Variants in EML4 observed in about 807,000 individuals in gnomAD.
The protein encoded by EML4 is echinoderm microtubule-associated protein-like 4.
Under a neutral mutation model 129.0 loss-of-function variants are expected in EML4, and 72 were observed. That is an observed-to-expected ratio of 0.56 (90% CI 0.46 to 0.68). The LOEUF (loss-of-function observed/expected upper bound fraction) is 0.68. Among genes scored for constraint, EML4 ranks in the 30% least tolerant of loss-of-function variants. The pLI, the probability that EML4 is intolerant of heterozygous loss-of-function variation, is 0.00. For missense variants in EML4, 1,363 were observed against 1,190.6 expected (o/e 1.14, Z -2.13); for synonymous variants, 532 against 405.0 (o/e 1.31, Z -3.77).
chr2:42,331,704 A>T lies in EML4; in HGVS notation c.*1497A>T, dbSNP rs1007058641. The T allele has an allele frequency of 9.1e-6, 2 of 220,392 alleles. No homozygotes were observed. The highest frequency in any genetic ancestry group is 9.1e-6 in the Non-Finnish European group (1 of 109,804). The allele number at this position is 220,392 out of a possible 1,614,324, so 13.7% of individuals were successfully genotyped here. A position where few individuals can be genotyped will look rare whatever the true frequency, so the allele number is the denominator to read the frequency against. On this transcript the variant is annotated 3_prime_UTR_variant, in exon 23 of 23. Transcript: ENST00000318522. Reference sequence around the variant, plus strand: ...CTAATATCTTCTCAGGAGTAATACAAATCAGGTATTTCATCATCATTTGGT... The same window carrying T: ...CTAATATCTTCTCAGGAGTAATACATATCAGGTATTTCATCATCATTTGGT...
intron 6 of EML4, among the ~76,000 whole-genome samples, chr2:42,276,382 A>G (rs1666658079): frequency 6.6e-6 from 1 of 152,108 alleles, no homozygotes; most frequent in Admixed American, 6.6e-5. Flanking sequence ...GGGGTATTCG[A>G]ATACAGTGTC....
chr2:42,285,284 T>C (rs1201495662), intron 9 of EML4, among the ~76,000 whole-genome samples: 1 of 152,164 alleles, frequency 6.6e-6, no homozygotes, highest in Non-Finnish European at 1.5e-5. Flanking sequence ...TATTATTCAG[T>C]TGGTTTGTAT....
intron 2 of EML4, among the ~76,000 whole-genome samples, chr2:42,254,331 C>A (rs958403805): frequency 4.6e-5 from 7 of 151,856 alleles, no homozygotes; most frequent in African/African-American, 9.7e-5. Flanking sequence ...GTGGTGTGCA[C>A]CTGTAGTCAC....
intron 1 of EML4, among the ~76,000 whole-genome samples, chr2:42,240,978 C>G (rs1179762453): frequency 6.6e-6 from 1 of 152,048 alleles, no homozygotes; most frequent in African/African-American, 2.4e-5. Flanking sequence ...AACTCCATAT[C>G]TACAAAAAAA....
intron 3 of EML4, among the ~76,000 whole-genome samples, chr2:42,257,615 C>T (rs1198789440): frequency 6.6e-6 from 1 of 152,122 alleles, no homozygotes; most frequent in Non-Finnish European, 1.5e-5. Context: ...GCGGGCGGAT[C>T]ACGAGGTCAG....
chr2:42,320,113 T>A (rs1437594469), intron 19 of EML4: 1 of 152,192 alleles, frequency 6.6e-6, no homozygotes, highest in Non-Finnish European at 1.5e-5. Context: ...ACAGCACTTC[T>A]TGGTAGAGGG....
chr2:42,206,029 GCATTTATCACT>G (rs1374513578), intron 1 of EML4, among the ~76,000 whole-genome samples: 2 of 151,902 alleles, frequency 1.3e-5, no homozygotes, highest in African/African-American at 4.8e-5. Context: ...AGCACTTACT[GCATTTATCACT>G]CATTTGACAA....
intron 1 of EML4, among the ~76,000 whole-genome samples, chr2:42,200,420 G>A (rs139215500): frequency 6.6e-6 from 1 of 152,346 alleles, no homozygotes; most frequent in East Asian, 1.9e-4. Flanking sequence ...CCTGTAAGCT[G>A]TAGAGAGCAG....
intron 8 of EML4, 118 bp from the exon 9 acceptor site, chr2:42,284,516 C>G: frequency 1.8e-6 from 1 of 561,030 alleles, no homozygotes; most frequent in Non-Finnish European, 3.0e-6. Flanking sequence ...CTGAAGAAAA[C>G]AGATAAACGT....
intron 1 of EML4, among the ~76,000 whole-genome samples, chr2:42,173,163 A>T (rs552798971): frequency 6.6e-6 from 1 of 152,334 alleles, no homozygotes; most frequent in East Asian, 1.9e-4. Flanking sequence ...TTTTAACATC[A>T]CATTGTTAGA....
At position 42,170,869 on chromosome 2, in the gene EML4, G is replaced by C. The variant is rs144067017; in HGVS notation, c.25+1233G>C. 1.8e-3 allele frequency among the ~76,000 whole-genome samples: 281 copies of C among 152,358 alleles called. 6 individuals carry two copies. In the East Asian group the frequency reaches 0.049, roughly 26 times the overall value. ...CCGTACTATATCCAGATAATATCGA[G>C]ATGAGATGGATTTTTAAAATCTAAA... On this transcript the variant is annotated intron_variant, in intron 1 of 22. Transcript: ENST00000318522.
At chr2:42,265,755 A>G (rs1225816972) in intron 6 of EML4, among the ~76,000 whole-genome samples, 3 of 152,190 alleles carry the variant, frequency 2.0e-5, no homozygotes, top group Non-Finnish European at 2.9e-5. Context: ...TGATGCTAAG[A>G]CTGAAAATAT....
At chr2:42,215,030 A>G (rs1558508608) in intron 1 of EML4, among the ~76,000 whole-genome samples, 1 of 152,140 alleles carries the variant, frequency 6.6e-6, no homozygotes, top group African/African-American at 2.4e-5. Context: ...GAGGCTAGCT[A>G]TACTACAAGA....
At chr2:42,253,167 A>T (rs1251840241) in intron 2 of EML4, among the ~76,000 whole-genome samples, 1 of 152,200 alleles carries the variant, frequency 6.6e-6, no homozygotes, top group East Asian at 1.9e-4. Flanking sequence ...GAATAAACTG[A>T]AGCATAGGGT....
At chr2:42,214,225 GA>G (rs1436283963) in intron 1 of EML4, among the ~76,000 whole-genome samples, 2 of 152,070 alleles carry the variant, frequency 1.3e-5, no homozygotes, top group African/African-American at 4.8e-5. Context: ...AACTTAAATA[GA>G]AAAAAATTTA....
At position 42,213,514 on chromosome 2, in the gene EML4, G is replaced by T. The variant is rs527368365; in HGVS notation, c.26-31991G>T. 1.4e-3 allele frequency among the ~76,000 whole-genome samples: 212 copies of T among 152,348 alleles called. 1 individual carries two copies. The highest frequency in any genetic ancestry group is 4.9e-3 in the African/African-American group (204 of 41,578). On this transcript the variant is annotated intron_variant, in intron 1 of 22. Coordinates refer to ENST00000318522, the MANE Select transcript of EML4 (RefSeq NM_019063.5). ...ATAAAATGAACTACATTAGGGTTAA[G>T]AAATTCTGGTAGTTTAAAAATACTT...
At chr2:42,177,038 C>T (rs1352587241) in intron 1 of EML4, among the ~76,000 whole-genome samples, 6 of 152,116 alleles carry the variant, frequency 3.9e-5, no homozygotes, top group African/African-American at 1.4e-4. Context: ...AGTGATCTGC[C>T]CGCTGAGGCC....
chr2:42,175,839 G>T (rs555833686), intron 1 of EML4, among the ~76,000 whole-genome samples: 1 of 152,240 alleles, frequency 6.6e-6, no homozygotes, highest in Admixed American at 6.5e-5. Context: ...AAGGAAAGAA[G>T]AATAGAAAAA....
Position 42,328,902 on chromosome 2 carries a change from A to T in EML4, c.2358A>T (p.Gly786=). Residue 786 remains glycine, a synonymous_variant, in exon 22 of 23, where the codon GGA becomes GGT. Coordinates refer to ENST00000318522, the MANE Select transcript of EML4 (RefSeq NM_019063.5). Reference sequence around the variant, plus strand: ...ATATCAAAGGTGTCTGGCCAGAAGGATCTGATGGGACAGATATCAATGCAC... The same window carrying T: ...ATATCAAAGGTGTCTGGCCAGAAGGTTCTGATGGGACAGATATCAATGCAC... The part of the protein sequence containing the change: ...GFQVFGVWPE[G]SDGTDINALV... 6.2e-7 allele frequency: 1 copy of T among 1,611,124 alleles called. No individual in the cohort carries two copies. Among genetic ancestry groups the T allele is most frequent in the East Asian group, 2.2e-5 (1 of 44,832 alleles).
Sources: gnomAD v4.1 joint callset for allele counts (sites outside exome capture counted in the v4.1 genomes callset) on GRCh38, gnomAD v4.1.1 for gene constraint, MANE v1.5 for transcripts, NCBI Gene and HGNC (gene_info 2026-07-23, HGNC 2026-07-21) for gene names.